Variants in TTLL5 observed in about 807,000 individuals in gnomAD.
TTLL5 encodes tubulin polyglutamylase TTLL5.
In TTLL5, 132 loss-of-function variants were observed where a neutral mutation model predicts 168.4. The ratio of observed to expected loss-of-function variants is 0.78; its 90% CI spans 0.68 to 0.91. The LOEUF is 0.91. TTLL5 is among the 40% of genes least tolerant of loss of function. The probability of loss-of-function intolerance (pLI) is 0.00; values close to 1 mark genes in which losing one functional copy is unlikely to be tolerated. For missense variants in TTLL5, 1,545 were observed against 1,581.5 expected (o/e 0.98, Z 0.39); for synonymous variants, 546 against 558.6 (o/e 0.98, Z 0.32).
At chr14:75,890,803 T>G (rs2032363533) in intron 30 of TTLL5, among the ~76,000 whole-genome samples, 1 of 152,228 alleles carries the variant, frequency 6.6e-6, no homozygotes, top group South Asian at 2.1e-4. Flanking sequence ...CACTGCAGCC[T>G]CTGTCTCCCA....
At chr14:75,685,743 G>A (rs1884995172) in intron 5 of TTLL5, among the ~76,000 whole-genome samples, 1 of 152,182 alleles carries the variant, frequency 6.6e-6, no homozygotes, top group Non-Finnish European at 1.5e-5. Context: ...CACTTTCCTA[G>A]TTACCTTACC....
intron 12 of TTLL5, among the ~76,000 whole-genome samples, chr14:75,723,614 T>A (rs1887985276): frequency 6.6e-6 from 1 of 152,222 alleles, no homozygotes; most frequent in Non-Finnish European, 1.5e-5. Flanking sequence ...TTTGTTTGTT[T>A]GTTTGTTTGT....
At chr14:75,848,729 C>T (rs901045658) in intron 28 of TTLL5, among the ~76,000 whole-genome samples, 2 of 152,192 alleles carry the variant, frequency 1.3e-5, no homozygotes, top group Admixed American at 6.5e-5. Context: ...TTTTCAGATC[C>T]AGACTCCTAA....
chr14:75,905,178 G>A (rs8021569), intron 31 of TTLL5, among the ~76,000 whole-genome samples: 11,637 of 152,252 alleles, frequency 0.076, 533 homozygotes, highest in African/African-American at 0.11. Context: ...CCTGGGAAGC[G>A]TGTGCCTATG....
rs762320256 is a variant in TTLL5 at position 75,783,407 on chromosome 14, C to G, written c.2863C>G (p.Pro955Ala). The change falls in exon 26 of 32, where the codon CCA (proline) becomes GCA (alanine). Residue 955 changes from proline to alanine, a missense_variant. Pro to Ala is a conservative substitution (Grantham distance 27). Coordinates refer to ENST00000298832, the MANE Select transcript of TTLL5 (RefSeq NM_015072.5). ...PCLHPGAQNI[P>A]SPTGLPRCRS... ...CCTACATCCCGGGGCACAGAACATC[C>G]CAAGCCCTACTGGCCTGCCACGCTG... The G allele has an allele frequency of 6.2e-7, 1 of 1,614,068 alleles. No homozygotes were observed. The highest frequency in any genetic ancestry group is 8.5e-7 in the Non-Finnish European group (1 of 1,180,044).
intron 9 of TTLL5, chr14:75,709,325 T>C: frequency 1.5e-6 from 1 of 656,172 alleles, no homozygotes; most frequent in Non-Finnish European, 2.8e-6. Flanking sequence ...TTTTTTCACA[T>C]GTATCCTATG....
chr14:75,757,975 T>C, intron 18 of TTLL5: 1 of 1,152,274 alleles, frequency 8.7e-7, no homozygotes, highest in South Asian at 3.1e-5. Flanking sequence ...TTGGTTCAGC[T>C]TGAATAGTAA....
chr14:75,730,016 A>G (rs1476350683), intron 12 of TTLL5, among the ~76,000 whole-genome samples: 1 of 152,214 alleles, frequency 6.6e-6, no homozygotes, highest in East Asian at 1.9e-4. Context: ...CTGATTCTGT[A>G]AACCTGATCA....
At position 75,863,837 on chromosome 14, in the gene TTLL5, TGGACC is replaced by T. The variant is rs752932663; in HGVS notation, c.3498_3502del (p.Asp1167GlufsTer16). 7.7e-5 allele frequency: 121 copies of T among 1,575,026 alleles called. No homozygotes were observed. In the African/African-American group the frequency reaches 1.6e-3, roughly 20 times the overall value. On this transcript the variant is annotated frameshift_variant, in exon 29 of 32. Transcript: ENST00000298832. LOFTEE classifies it high-confidence loss of function. ...CAAAAACTTCAGTCCCGGCAGCTCC[TGGACC>T]AGAGTCGAGCCCGGCACCAGGTAAT...
At chr14:75,866,876 AC>A (rs1238180124) in intron 29 of TTLL5, among the ~76,000 whole-genome samples, 1 of 152,216 alleles carries the variant, frequency 6.6e-6, no homozygotes, top group African/African-American at 2.4e-5. Context: ...GAGGAAAGTC[AC>A]CCAGAGCCAG....
intron 31 of TTLL5, among the ~76,000 whole-genome samples, chr14:75,928,080 C>A (rs565960964): frequency 2.0e-5 from 3 of 151,882 alleles, no homozygotes; most frequent in Non-Finnish European, 2.9e-5. Flanking sequence ...TCTTGGTGTT[C>A]GTTTCCATGG....
intron 27 of TTLL5, among the ~76,000 whole-genome samples, chr14:75,812,733 A>T (rs1476997110): frequency 6.6e-6 from 1 of 152,126 alleles, no homozygotes; most frequent in Non-Finnish European, 1.5e-5. Flanking sequence ...GGAAGCATTG[A>T]ATGGTTCCTT....
intron 28 of TTLL5, chr14:75,820,579 T>A (rs938352384): frequency 1.9e-5 from 3 of 155,432 alleles, no homozygotes; most frequent in African/African-American, 7.2e-5. Context: ...GAAGGACATA[T>A]TTGTTTCTTA....
chr14:75,739,315 T>C (rs2140246661), intron 15 of TTLL5, among the ~76,000 whole-genome samples: 1 of 152,284 alleles, frequency 6.6e-6, no homozygotes, highest in Non-Finnish European at 1.5e-5. Flanking sequence ...ATTCTTTGAC[T>C]TTTATTGTAC....
rs370797637 is a variant in TTLL5 at position 75,669,412 on chromosome 14, A to G, written c.75-4A>G. ...AATTAATGAAGGCTTTTTTGTCGTTATAGGGATCATCCATGCATCATGTGG... is the reference window on the plus strand; with the variant it reads ...AATTAATGAAGGCTTTTTTGTCGTTGTAGGGATCATCCATGCATCATGTGG... On this transcript the variant is annotated splice_region_variant and splice_polypyrimidine_tract_variant and intron_variant, in intron 2 of 31. Transcript: ENST00000298832. The G allele has an allele frequency of 1.9e-6, 3 of 1,611,142 alleles. No homozygotes were observed. The highest frequency in any genetic ancestry group is 1.7e-6 in the Non-Finnish European group (2 of 1,178,220).
At chr14:75,789,605 TA>T (rs1892572851) in intron 26 of TTLL5, among the ~76,000 whole-genome samples, 1 of 152,142 alleles carries the variant, frequency 6.6e-6, no homozygotes, top group Non-Finnish European at 1.5e-5. Flanking sequence ...AAAATGTTTT[TA>T]AAAATATCAC....
intron 29 of TTLL5, among the ~76,000 whole-genome samples, chr14:75,867,125 A>G (rs2030584058): frequency 6.6e-6 from 1 of 152,222 alleles, no homozygotes; most frequent in African/African-American, 2.4e-5. Flanking sequence ...CTCTGTTGCA[A>G]CTACTCAGCT....
intron 27 of TTLL5, among the ~76,000 whole-genome samples, chr14:75,801,613 C>A (rs1187440617): frequency 6.6e-6 from 1 of 152,130 alleles, no homozygotes; most frequent in Admixed American, 6.5e-5. Context: ...TCCCCCCACC[C>A]TCTGTATTTT....
intron 30 of TTLL5, among the ~76,000 whole-genome samples, chr14:75,899,688 G>A (rs1425145816): frequency 6.6e-6 from 1 of 152,092 alleles, no homozygotes; most frequent in Non-Finnish European, 1.5e-5. Flanking sequence ...GGAAGAGGAT[G>A]GAAGAGTGAG....
Sources: allele counts gnomAD v4.1 joint callset (sites outside exome capture counted in the v4.1 genomes callset), GRCh38; gene constraint gnomAD v4.1.1; transcripts MANE v1.5; gene names NCBI Gene and HGNC (gene_info 2026-07-23, HGNC 2026-07-21).